Variants in VWDE observed in about 807,000 individuals in gnomAD.
VWDE encodes the protein von Willebrand factor D and EGF domains.
In VWDE, 207 loss-of-function variants were observed where a neutral mutation model predicts 178.4. The ratio of observed to expected loss-of-function variants is 1.16; its 90% CI spans 1.04 to 1.30. The LOEUF (loss-of-function observed/expected upper bound fraction) is 1.30, where lower values mean the gene tolerates loss of function less well. Among genes scored for constraint, VWDE ranks in the 50% most tolerant of loss-of-function variants. The probability of loss-of-function intolerance (pLI) is 0.00; values close to 1 mark genes in which losing one functional copy is unlikely to be tolerated. For synonymous variants in VWDE, 738 were observed against 651.4 expected (o/e 1.13, Z -2.02); for missense variants, 2,287 against 1,901.3 (o/e 1.20, Z -3.77).
intron 7 of VWDE, among the ~76,000 whole-genome samples, chr7:12,376,212 T>G (rs1346038796): frequency 6.6e-6 from 1 of 152,098 alleles, no homozygotes; most frequent in African/African-American, 2.4e-5. Context: ...ATATAGCCCA[T>G]AACATCCATT....
intron 19 of VWDE, 115 bp downstream of exon 19, chr7:12,351,458 C>T (rs888276422): frequency 3.5e-6 from 4 of 1,134,724 alleles, no homozygotes; most frequent in Non-Finnish European, 2.4e-6. Flanking sequence ...CATCATATAA[C>T]CTTTAGGTGA....
At chr7:12,368,767 G>T (rs7811195) in intron 12 of VWDE, among the ~76,000 whole-genome samples, 4,957 of 152,204 alleles carry the variant, frequency 0.033, 291 homozygotes, top group African/African-American at 0.11. Context: ...ACGATAATCT[G>T]AGGGGGAAAT....
At chr7:12,357,646 A>ATT (rs375444841) in intron 16 of VWDE, 131 bp from the exon 17 acceptor site, 53 of 846,308 alleles carry the variant, frequency 6.3e-5, no homozygotes, top group African/African-American at 1.2e-4. Flanking sequence ...AGCTGCTTTC[A>ATT]TTTTTTTTTT....
chr7:12,349,935 C>A (rs879413783), intron 19 of VWDE, among the ~76,000 whole-genome samples: 1 of 151,438 alleles, frequency 6.6e-6, no homozygotes, highest in Admixed American at 6.6e-5. Flanking sequence ...GATTTTCTGG[C>A]AAAATAAAAA....
At chr7:12,398,115 T>A (rs925415927) in intron 1 of VWDE, among the ~76,000 whole-genome samples, 4 of 152,200 alleles carry the variant, frequency 2.6e-5, no homozygotes, top group Non-Finnish European at 4.4e-5. Flanking sequence ...ACTGGTACGT[T>A]CATCCCAGCA....
intron 3 of VWDE, among the ~76,000 whole-genome samples, chr7:12,385,759 G>C (rs921807893): frequency 1.3e-5 from 2 of 152,110 alleles, no homozygotes; most frequent in African/African-American, 4.8e-5. Context: ...CGGCAAGCCA[G>C]AGAGAATAAT....
At chr7:12,378,649 A>G (rs57550598) in intron 6 of VWDE, among the ~76,000 whole-genome samples, 16,060 of 152,108 alleles carry the variant, frequency 0.11, 2,053 homozygotes, top group African/African-American at 0.3. Flanking sequence ...GTGCTAACCA[A>G]TGTAAACCAA....
chr7:12,370,165 T>G lies in VWDE; in HGVS notation c.2141A>C (p.His714Pro), dbSNP rs1329331732. ...LTKLGLNVQK[H>P]PGNEKEDSLQ... ...TGAATCTTCTTTCTCATTTCCAGGATGTTTTTGTACATTTAAGCCGAGTTT... is the reference window on the plus strand; with the variant it reads ...TGAATCTTCTTTCTCATTTCCAGGAGGTTTTTGTACATTTAAGCCGAGTTT... The change falls in exon 12 of 29, where the codon CAT becomes CCT. Residue 714 changes from histidine (H) to proline (P), a missense_variant. By Grantham distance (77) the His-to-Pro change is moderately conservative (BLOSUM62 -2). Coordinates refer to ENST00000275358, the MANE Select transcript of VWDE (RefSeq NM_001135924.3). 1 of 1,551,578 alleles carries G rather than the reference T, an allele frequency of 6.4e-7. No homozygotes were observed. The highest frequency in any genetic ancestry group is 1.4e-5 in the African/African-American group (1 of 73,156).
At chr7:12,343,327 A>T in intron 21 of VWDE, 149 bp from the exon 22 acceptor site, 1 of 520,618 alleles carries the variant, frequency 1.9e-6, no homozygotes, top group Non-Finnish European at 3.4e-6. Flanking sequence ...GTTCTGTGGG[A>T]CTGACTATAT....
chr7:12,380,821 T>C (rs6959370), intron 4 of VWDE, 88 bp from the exon 5 acceptor site: 1 of 1,424,350 alleles, frequency 7.0e-7, no homozygotes, highest in African/African-American at 1.5e-5. Flanking sequence ...TATAACTCTG[T>C]GGTTTATCTT....
intron 23 of VWDE, among the ~76,000 whole-genome samples, 199 bp downstream of exon 23, chr7:12,341,860 G>GT (rs1781350595): frequency 6.6e-6 from 1 of 152,152 alleles, no homozygotes; most frequent in Admixed American, 6.5e-5. Flanking sequence ...CAGTAAAGCT[G>GT]TAAGACACCA....
rs192081599 is a variant in VWDE at position 12,339,125 on chromosome 7, C to T, written c.4366+1197G>A. Among the ~76,000 whole-genome samples, 130 of 152,222 alleles carry T rather than the reference C, an allele frequency of 8.5e-4. 1 individual carries two copies. In the Middle Eastern group the frequency reaches 0.017, roughly 20 times the overall value. Reference sequence around the variant, plus strand: ...AGCAAGAAAGCTGTGGAGGCAAGCTCATTGTAAAACCTACTCTCTCCCCAC... The same window carrying T: ...AGCAAGAAAGCTGTGGAGGCAAGCTTATTGTAAAACCTACTCTCTCCCCAC... On this transcript the variant is annotated intron_variant, in intron 24 of 28. Transcript: ENST00000275358.
intron 28 of VWDE, among the ~76,000 whole-genome samples, chr7:12,332,411 T>C (rs1025550959): frequency 2.0e-5 from 3 of 151,550 alleles, no homozygotes; most frequent in African/African-American, 4.9e-5. Flanking sequence ...TTGCTATTGA[T>C]CATATGAGGA....
intron 24 of VWDE, among the ~76,000 whole-genome samples, chr7:12,340,085 GCA>G (rs1781244393): frequency 6.6e-6 from 1 of 152,142 alleles, no homozygotes; most frequent in Non-Finnish European, 1.5e-5. Context: ...CTACAAAGCT[GCA>G]CAGAGAGATG....
chr7:12,356,585 G>T (rs145915179), intron 17 of VWDE, among the ~76,000 whole-genome samples: 1 of 152,004 alleles, frequency 6.6e-6, no homozygotes. Context: ...AAAGTTACAA[G>T]ATGATCAATT....
chr7:12,402,354 G>GA (rs1784942121), intron 1 of VWDE, among the ~76,000 whole-genome samples: 1 of 151,864 alleles, frequency 6.6e-6, no homozygotes, highest in Non-Finnish European at 1.5e-5. Context: ...AAAGCTATTT[G>GA]AAAAAAAGAA....
At chr7:12,397,803 G>A (rs1784698283) in intron 1 of VWDE, among the ~76,000 whole-genome samples, 1 of 152,034 alleles carries the variant, frequency 6.6e-6, no homozygotes, top group South Asian at 2.1e-4. Context: ...CAACAAACAT[G>A]AGAAAATGCT....
chr7:12,372,447 A>G (rs547147800), intron 10 of VWDE, among the ~76,000 whole-genome samples: 8 of 152,072 alleles, frequency 5.3e-5, no homozygotes, highest in Non-Finnish European at 1.2e-4. Flanking sequence ...TGAAAGATGA[A>G]TGGAAGGTGG....
intron 18 of VWDE, chr7:12,354,290 T>C (rs892127427): frequency 1.6e-5 from 6 of 370,784 alleles, no homozygotes; most frequent in Non-Finnish European, 2.6e-5. Context: ...GAAACTATGC[T>C]ATTAAAAAAT....
Sources: allele counts gnomAD v4.1 joint callset (sites outside exome capture counted in the v4.1 genomes callset), GRCh38; gene constraint gnomAD v4.1.1; transcripts MANE v1.5; gene names NCBI Gene and HGNC (gene_info 2026-07-23, HGNC 2026-07-21).